The following ADGRB1 variants were observed in gnomAD, a reference collection of about 807,000 sequenced individuals.
ADGRB1 encodes brain-specific angiogenesis inhibitor 1.
A neutral mutation model predicts 175.7 loss-of-function variants in ADGRB1; 36 were observed. The ratio of observed to expected loss-of-function variants is 0.20; its 90% confidence interval spans 0.16 to 0.27. The LOEUF (loss-of-function observed/expected upper bound fraction) is 0.27. Ranked by LOEUF, ADGRB1 falls within the 10% of genes least tolerant of loss-of-function variation. The probability of loss-of-function intolerance (pLI) is 1.00; values close to 1 mark genes in which losing one functional copy is unlikely to be tolerated. For missense variants in ADGRB1, 1,731 were observed against 2,255.3 expected (o/e 0.77, Z 4.71); for synonymous variants, 1,054 against 979.4 (o/e 1.08, Z -1.42).
rs1217201575 is a variant in ADGRB1, at chr8:142,518,149, G to A, written c.2829G>A (p.Lys943=). 4 of 1,613,690 alleles carry A rather than the reference G, an allele frequency of 2.5e-6. No homozygotes were observed. The Admixed American group carries it at 5.0e-5, about 20-fold the overall frequency. ...CCCGGTCCCCACAGAACATGGAGAA[G>A]GCGACTCTGCCGTCGGTGACGCTCA... is the stretch of plus-strand genomic sequence containing the variant. ...AQLSADANME[K]ATLPSVTLIV... is the part of the protein sequence containing the mutation. Residue 943 remains lysine (K), a synonymous_variant, in exon 19 of 31, where the codon AAG becomes AAA. Transcript: ENST00000517894.
chr8:142,527,263 G>A (rs755289973), intron 24 of ADGRB1, among the ~76,000 whole-genome samples: 2 of 152,286 alleles, frequency 1.3e-5, no homozygotes, highest in Admixed American at 6.5e-5. Context: ...TGACTAGGGC[G>A]GACAAGCCCC....
At chr8:142,488,611 C>CG in intron 14 of ADGRB1, 104 bp downstream of exon 14, 1 of 1,465,138 alleles carries the variant, frequency 6.8e-7, no homozygotes. Flanking sequence ...CAGAGTTGGG[C>CG]GGTTCTCAAG....
rs189419264 is a variant in ADGRB1, at chr8:142,543,112, C to T, written c.4414-291C>T. Among the ~76,000 whole-genome samples the T allele has an allele frequency of 9.0e-4, 137 of 152,292 alleles. 1 individual carries two copies. The highest frequency in any genetic ancestry group is 7.3e-3 in the Admixed American group (111 of 15,306). On this transcript the variant is annotated intron_variant, in intron 28 of 30. Transcript: ENST00000517894. The surrounding 1 kb of genome is among the most constrained non-coding windows in gnomAD (Gnocchi z 4.4). ...TGCCCTGTGTCCCTGAGTTCTCTGT[C>T]GGGGGACCCAGCCATGTGGCCCCAA...
Position 142,511,639 on chromosome 8 carries a change from T to G in ADGRB1, c.2817+566T>G, listed in dbSNP as rs1196885864. ...CGGGGCTTCCTTTTTGTTCCTGTGA[T>G]TCCTGTGGGGGCTGCCGGTTTCTAT... On this transcript the variant is annotated intron_variant, in intron 18 of 30. Coordinates refer to ENST00000517894, the MANE Select transcript of ADGRB1 (RefSeq NM_001702.3). This position sits in a 1 kb window ranked among gnomAD's most constrained non-coding sequence, Gnocchi z 4.5. Among the ~76,000 whole-genome samples the G allele has an allele frequency of 6.6e-6, 1 of 152,054 alleles. No individual in the cohort carries two copies.
chr8:142,522,579 G>A, intron 21 of ADGRB1, 62 bp from the exon 22 acceptor site: 1 of 1,467,934 alleles, frequency 6.8e-7, no homozygotes. Context: ...AGGGCTAGGA[G>A]GAGGTGGAGG....
In ADGRB1 at chr8:142,460,748, A is replaced by G. The variant is rs747004453; in HGVS notation, c.-219-3232A>G. On this transcript the variant is annotated intron_variant, in intron 1 of 30. Coordinates refer to ENST00000517894, the MANE Select transcript of ADGRB1 (RefSeq NM_001702.3). ...GGTACCTCCTCCCTCCTCCCTCTCC[A>G]GGCCAGAAGTGGGCCGTGTGCACCT... is the stretch of plus-strand genomic sequence containing the variant. Among the ~76,000 whole-genome samples the G allele has an allele frequency of 2.6e-4, 39 of 152,152 alleles. No individual in the cohort carries two copies. In the Middle Eastern group the frequency reaches 0.014, roughly 53 times the overall value.
At chr8:142,470,980 G>A (rs1199754226) in intron 2 of ADGRB1, among the ~76,000 whole-genome samples, 1 of 152,192 alleles carries the variant, frequency 6.6e-6, no homozygotes, top group East Asian at 1.9e-4. Context: ...GGCAAAGCCT[G>A]GGCTGGAATT....
At chr8:142,538,637 A>G (rs1172116804) in intron 26 of ADGRB1, among the ~76,000 whole-genome samples, 1 of 152,198 alleles carries the variant, frequency 6.6e-6, no homozygotes, top group Non-Finnish European at 1.5e-5. Context: ...CTGGAGAAGG[A>G]CAGCCCCAGG....
intron 1 of ADGRB1, among the ~76,000 whole-genome samples, chr8:142,453,047 CGCTCGCTCGCT>C (rs1563670160): frequency 3.9e-5 from 2 of 50,914 alleles, no homozygotes; most frequent in African/African-American, 6.1e-4. Flanking sequence ...CCCGCCCGCT[CGCTCGCTCGCT>C]CGCCGTCCGC....
At position 142,492,589 on chromosome 8, in the gene ADGRB1, T is replaced by A. The variant is rs1842033461; in HGVS notation, c.2675+1774T>A. 6.6e-6 allele frequency among the ~76,000 whole-genome samples: 1 copy of A among 151,756 alleles called. No homozygotes were observed. Among genetic ancestry groups the A allele is most frequent in the Admixed American group, 6.6e-5 (1 of 15,264 alleles). ...AGCAGCCGGGGCAAAGGCCTCAAGG[T>A]GGGATTGGCAGGTCACACCAGGCTC... On this transcript the variant is annotated intron_variant, in intron 17 of 30. Transcript: ENST00000517894. This position sits in a 1 kb window ranked among gnomAD's most constrained non-coding sequence, Gnocchi z 4.4.
chr8:142,450,696 C>CGAAGCCCTCGCTCGTA (rs1563668241), intron 1 of ADGRB1, among the ~76,000 whole-genome samples: 1 of 152,138 alleles, frequency 6.6e-6, no homozygotes, highest in African/African-American at 2.4e-5. Context: ...GACTCCTTCT[C>CGAAGCCCTCGCTCGTA]GAAGCCCTCG....
chr8:142,475,699 A>AGG (rs376351343), intron 3 of ADGRB1, 64 bp downstream of exon 3: 17 of 294,136 alleles, frequency 5.8e-5, no homozygotes, highest in Admixed American at 3.0e-4. Context: ...GAGGGAGGAG[A>AGG]GGGGGGTGGG....
chr8:142,497,115 C>A (rs1396341512), intron 17 of ADGRB1, among the ~76,000 whole-genome samples: 2 of 152,230 alleles, frequency 1.3e-5, no homozygotes, highest in African/African-American at 2.4e-5. Flanking sequence ...CTTTATTAAC[C>A]GATTTTACAG....
In ADGRB1 at chr8:142,504,582, T is replaced by A. The variant is rs1417110116; in HGVS notation, c.2676-6350T>A. ...GTCAGGAGCAATGCCCAGGAGCTCA[T>A]GGAAGGGCAGGGGGGAAGTCTGGTT... On this transcript the variant is annotated intron_variant, in intron 17 of 30. Coordinates refer to ENST00000517894, the MANE Select transcript of ADGRB1 (RefSeq NM_001702.3). The surrounding 1 kb of genome is among the most constrained non-coding windows in gnomAD (Gnocchi z 5.6). 1.3e-5 allele frequency among the ~76,000 whole-genome samples: 2 copies of A among 151,940 alleles called. No homozygotes were observed. The highest frequency in any genetic ancestry group is 4.8e-5 in the African/African-American group (2 of 41,338).
intron 1 of ADGRB1, among the ~76,000 whole-genome samples, chr8:142,454,911 A>G (rs1839573256): frequency 6.6e-6 from 1 of 151,994 alleles, no homozygotes; most frequent in South Asian, 2.1e-4. Flanking sequence ...ACCCCGTTAC[A>G]GGCTCTTGTT....
intron 12 of ADGRB1, among the ~76,000 whole-genome samples, chr8:142,484,290 G>T (rs1444908943): frequency 1.3e-5 from 2 of 152,232 alleles, no homozygotes; most frequent in African/African-American, 4.8e-5. Flanking sequence ...AAAATACTGA[G>T]CACATGGGGA....
chr8:142,454,710 TC>T (rs1380239779), intron 1 of ADGRB1, among the ~76,000 whole-genome samples: 5 of 151,938 alleles, frequency 3.3e-5, no homozygotes, highest in Non-Finnish European at 7.4e-5. Context: ...AAGGTGAGGA[TC>T]CCCCTTCCCC....
intron 27 of ADGRB1, 162 bp downstream of exon 27, chr8:142,539,575 C>G: frequency 2.3e-6 from 2 of 871,668 alleles, no homozygotes; most frequent in Non-Finnish European, 3.6e-6. Context: ...CCCAGGGGAC[C>G]TGCCCTGGGG....
rs924088563 is a variant in ADGRB1 at position 142,474,443 on chromosome 8, G to T, written c.785-1031G>T. On this transcript the variant is annotated intron_variant, in intron 2 of 30. Transcript: ENST00000517894. The surrounding 1 kb of genome is among the most constrained non-coding windows in gnomAD (Gnocchi z 5.8). Reference sequence around the variant, plus strand: ...AAGTCGCCCGACCCTGCTGCACAGGGTGTACATGAGCCCAGAGTGCTGGGC... The same window carrying T: ...AAGTCGCCCGACCCTGCTGCACAGGTTGTACATGAGCCCAGAGTGCTGGGC... 6.6e-6 allele frequency among the ~76,000 whole-genome samples: 1 copy of T among 152,204 alleles called. No homozygotes were observed. Among genetic ancestry groups the T allele is most frequent in the African/African-American group, 2.4e-5 (1 of 41,446 alleles).
Sources: allele counts gnomAD v4.1 joint callset (sites outside exome capture counted in the v4.1 genomes callset), GRCh38; gene constraint gnomAD v4.1.1; non-coding constraint Gnocchi (gnomAD v3.1); transcripts MANE v1.5; gene names NCBI Gene and HGNC (gene_info 2026-07-23, HGNC 2026-07-21).